Variants in ALAD observed in about 807,000 individuals in gnomAD.
ALAD encodes delta-aminolevulinic acid dehydratase.
A neutral mutation model predicts 44.4 loss-of-function variants in ALAD; 20 were observed. That is an observed-to-expected ratio of 0.45 (90% CI 0.32 to 0.65). The LOEUF (loss-of-function observed/expected upper bound fraction) is 0.65. Among genes scored for constraint, ALAD ranks in the 30% least tolerant of loss-of-function variants. The pLI, the probability that ALAD is intolerant of heterozygous loss-of-function variation, is 0.05. For synonymous variants in ALAD, 156 were observed against 167.9 expected (o/e 0.93, Z 0.55); for missense variants, 323 against 445.7 (o/e 0.72, Z 2.48).
chr9:113,392,507 A>G (rs530799909), intron 2 of ALAD: 2 of 362,576 alleles, frequency 5.5e-6, no homozygotes, highest in African/African-American at 4.2e-5. Context: ...GCCAAGTTCT[A>G]TCATCTCTTT....
intron 1 of ALAD, among the ~76,000 whole-genome samples, chr9:113,396,047 T>A (rs1357204573): frequency 6.6e-6 from 1 of 151,930 alleles, no homozygotes; most frequent in Non-Finnish European, 1.5e-5. Flanking sequence ...TAAAAAAAAA[T>A]TAGCCGGGTG....
At chr9:113,395,090 T>C (rs1479166399) in intron 1 of ALAD, among the ~76,000 whole-genome samples, 1 of 151,908 alleles carries the variant, frequency 6.6e-6, no homozygotes, top group African/African-American at 2.4e-5. Flanking sequence ...AGAAAAGTAC[T>C]TGGGACATGG....
At chr9:113,388,846 T>C in intron 11 of ALAD, 131 bp downstream of exon 11, 1 of 1,373,224 alleles carries the variant, frequency 7.3e-7, no homozygotes, top group African/African-American at 1.4e-5. Context: ...TTCCTCAGTG[T>C]GTGTCTGTTT....
chr9:113,392,256 G>C, intron 2 of ALAD, 87 bp from the exon 3 acceptor site: 8 of 1,607,168 alleles, frequency 5.0e-6, no homozygotes, highest in African/African-American at 1.3e-5. Flanking sequence ...TTGGGAAGCA[G>C]GAAAGAAATA....
Position 113,391,605 on chromosome 9 carries a change from C to T in ALAD, c.183G>A (p.Leu61=). ...CCACCAAGGGCCTCAGCATCTCTTC[C>T]AGCCGCTTCACACCATACCTGTGTG... ...PGVARYGVKR[L]EEMLRPLVEE... is the part of the protein sequence containing the mutation. The change falls in exon 4 of 12, where the codon CTG becomes CTA. Residue 61 remains leucine (L), a synonymous_variant. Coordinates refer to ENST00000409155, the MANE Select transcript of ALAD (RefSeq NM_000031.6). 3.1e-6 allele frequency: 5 copies of T among 1,614,114 alleles called. No homozygotes were observed. Among genetic ancestry groups the T allele is most frequent in the Non-Finnish European group, 4.2e-6 (5 of 1,180,002 alleles).
intron 1 of ALAD, chr9:113,397,172 T>G (rs1564378517): frequency 6.6e-6 from 1 of 152,182 alleles, no homozygotes; most frequent in South Asian, 2.1e-4. Flanking sequence ...TCTAATTTGC[T>G]TCCCAGAAAA....
intron 1 of ALAD, among the ~76,000 whole-genome samples, chr9:113,400,422 T>C (rs948084900): frequency 6.6e-6 from 1 of 152,222 alleles, no homozygotes; most frequent in Non-Finnish European, 1.5e-5. Context: ...TGGAGTCTGA[T>C]AGATGTGGGT....
rs138313868 is a variant in ALAD, at chr9:113,390,918, C to T, written c.277G>A (p.Ala93Thr). 437 of 1,613,942 alleles carry T rather than the reference C, an allele frequency of 2.7e-4. No homozygotes were observed. The highest frequency in any genetic ancestry group is 3.4e-4 in the Non-Finnish European group (404 of 1,180,018). The stretch of plus-strand genomic sequence containing the variant: ...GCTGGGGACTCCTCGGAGTCAGCTG[C>T]GGAACCCCGCTCGTCCTAGGGGCAG... ...SRVPKDERGSAADSEESPAIE... is the reference protein window; with the variant it reads ...SRVPKDERGSTADSEESPAIE... Residue 93 changes from alanine (A) to threonine (T), a missense_variant, in exon 5 of 12, where the codon GCA becomes ACA. Physicochemically the swap from Ala to Thr is moderately conservative, Grantham distance 58 (BLOSUM62 0). Coordinates refer to ENST00000409155, the MANE Select transcript of ALAD (RefSeq NM_000031.6).
rs121912984 is a variant in ALAD, at chr9:113,393,524, G to C, written c.36C>G (p.Phe12Leu). 8.1e-5 allele frequency: 131 copies of C among 1,613,876 alleles called. No individual in the cohort carries two copies. Among genetic ancestry groups the C allele is most frequent in the Non-Finnish European group, 1.1e-4 (127 of 1,180,046 alleles). The part of the protein sequence containing the change: ...QPQSVLHSGY[F>L]HPLLRAWQTA... ...TCTGCCAGGCCCGAAGTAGTGGGTGGAAGTAGCCGCTGTGCAGAACGGACT... is the reference window on the plus strand; with the variant it reads ...TCTGCCAGGCCCGAAGTAGTGGGTGCAAGTAGCCGCTGTGCAGAACGGACT... The change falls in exon 2 of 12, where the codon TTC becomes TTG. Residue 12 changes from phenylalanine (F) to leucine (L), a missense_variant. By Grantham distance (22) the Phe-to-Leu change is conservative. Transcript: ENST00000409155.
At chr9:113,399,588 A>G (rs779352497) in intron 1 of ALAD, among the ~76,000 whole-genome samples, 1 of 152,226 alleles carries the variant, frequency 6.6e-6, no homozygotes, top group Non-Finnish European at 1.5e-5. Flanking sequence ...AAGAGGGGAC[A>G]GTGAAGGATA....
At chr9:113,398,049 ATAC>A (rs1827777675) in intron 1 of ALAD, 1 of 152,332 alleles carries the variant, frequency 6.6e-6, no homozygotes, top group Admixed American at 6.5e-5. Context: ...TGGGTTTTAT[ATAC>A]TGTATTTCAT....
chr9:113,394,323 A>G (rs1338107323), intron 1 of ALAD, among the ~76,000 whole-genome samples: 2 of 150,572 alleles, frequency 1.3e-5, no homozygotes, highest in African/African-American at 2.4e-5. Flanking sequence ...GGATGGCTTG[A>G]GCCCAAGAGT....
chr9:113,388,900 C>T (rs548228812), intron 11 of ALAD, 77 bp downstream of exon 11: 6 of 1,604,744 alleles, frequency 3.7e-6, no homozygotes, highest in Admixed American at 1.7e-5. Context: ...GCTCTCAGGA[C>T]GTCGTTCCCC....
In ALAD at chr9:113,388,400, C is replaced by T. The variant is rs749099723; in HGVS notation, c.932-39G>A. ...GATGCAGAAAGTTGCTGGGGGGACG[C>T]TGATCAGCTCTGAGCACACCTTCTG... is the stretch of plus-strand genomic sequence containing the variant. On this transcript the variant is annotated intron_variant, in intron 11 of 11. Transcript: ENST00000409155. The T allele has an allele frequency of 3.8e-6, 6 of 1,590,428 alleles. 1 individual carries two copies. Among genetic ancestry groups the T allele is most frequent in the Non-Finnish European group, 5.2e-6 (6 of 1,159,498 alleles).
chr9:113,388,495 C>G lies in ALAD; in HGVS notation c.932-134G>C. 3.7e-6 allele frequency: 3 copies of G among 800,342 alleles called. No homozygotes were observed. The Admixed American group carries it at 5.8e-5, about 15-fold the overall frequency. The allele number at this position is 800,342 out of a possible 1,614,324, so 49.6% of individuals were successfully genotyped here. A position where few individuals can be genotyped will look rare whatever the true frequency, so the allele number is the denominator to read the frequency against. The stretch of plus-strand genomic sequence containing the variant: ...CAGCCTGTGGGCACACCACATGAGA[C>G]GGAGCCCAGCTTTGGGAAACTCTAT... On this transcript the variant is annotated intron_variant, in intron 11 of 11. Coordinates refer to ENST00000409155, the MANE Select transcript of ALAD (RefSeq NM_000031.6).
At chr9:113,388,416 A>C (rs763947225) in intron 11 of ALAD, 55 bp from the exon 12 acceptor site, 8 of 1,557,366 alleles carry the variant, frequency 5.1e-6, no homozygotes, top group Non-Finnish European at 6.2e-6. Flanking sequence ...AGCTCTGAGC[A>C]CACCTTCTGC....
At chr9:113,393,409 C>CCCAA in intron 2 of ALAD, 38 bp downstream of exon 2, 1 of 1,574,160 alleles carries the variant, frequency 6.4e-7, no homozygotes, top group Non-Finnish European at 8.7e-7. Flanking sequence ...CAACCCCAAC[C>CCCAA]AGCAGAGCAG....
Position 113,393,610 on chromosome 9 carries a change from C to T in ALAD, c.-51G>A, listed in dbSNP as rs773830538. The T allele has an allele frequency of 6.7e-7, 1 of 1,487,776 alleles. No homozygotes were observed. The highest frequency in any genetic ancestry group is 2.3e-5 in the East Asian group (1 of 44,192). The allele number at this position is 1,487,776 out of a possible 1,614,324, so 92.2% of individuals were successfully genotyped here. A position where few individuals can be genotyped will look rare whatever the true frequency, so the allele number is the denominator to read the frequency against. ...ATCAGTTGGTTGGAACCGAGGGCTC[C>T]TGGGGCATTGGCTGCAGGCTCTGTC... On this transcript the variant is annotated 5_prime_UTR_variant, in exon 2 of 12. Transcript: ENST00000409155.
rs1232603402 is a variant in ALAD at position 113,391,513 on chromosome 9, C to A, written c.261+14G>T. ...GCGCAACCTCCCTTCTTAGCCCTTC[C>A]TTTGATTCTTCACCTTGGGAACTCT... On this transcript the variant is annotated intron_variant, in intron 4 of 11. Coordinates refer to ENST00000409155, the MANE Select transcript of ALAD (RefSeq NM_000031.6). 1 of 1,612,830 alleles carries A rather than the reference C, an allele frequency of 6.2e-7. No individual in the cohort carries two copies. Among genetic ancestry groups the A allele is most frequent in the African/African-American group, 1.3e-5 (1 of 74,900 alleles).
Sources: gnomAD v4.1 joint callset for allele counts (sites outside exome capture counted in the v4.1 genomes callset) on GRCh38, gnomAD v4.1.1 for gene constraint, MANE v1.5 for transcripts, NCBI Gene and HGNC (gene_info 2026-07-23, HGNC 2026-07-21) for gene names.